SLC7A9: variants seen among roughly 807,000 people sequenced by gnomAD.
SLC7A9 encodes solute carrier family 7 member 9.
Under a neutral mutation model 54.1 loss-of-function variants are expected in SLC7A9, and 38 were observed. The ratio of observed to expected loss-of-function variants is 0.70; its 90% CI spans 0.54 to 0.92. The LOEUF (loss-of-function observed/expected upper bound fraction) is 0.92, where lower values mean the gene tolerates loss of function less well. Among genes scored for constraint, SLC7A9 ranks in the 40% least tolerant of loss-of-function variants. SLC7A9 has a pLI of 0.00. For synonymous variants in SLC7A9, 264 were observed against 258.9 expected, an observed-to-expected ratio of 1.02 and a Z score of -0.19; for missense variants, 537 against 636.1, an observed-to-expected ratio of 0.84 and a Z score of 1.68.
intron 9 of SLC7A9, among the ~76,000 whole-genome samples, chr19:32,845,778 C>T (rs879619115): frequency 3.9e-5 from 6 of 152,078 alleles, no homozygotes; most frequent in Admixed American, 6.6e-5. Context: ...GAGGCCGAGG[C>T]GGGTGGATCA....
intron 12 of SLC7A9, chr19:32,832,798 ACTTGGG>A: frequency 9.9e-6 from 3 of 303,286 alleles, no homozygotes; most frequent in Non-Finnish European, 1.9e-5. Flanking sequence ...GGTCCCAGCT[ACTTGGG>A]AGGCCCAGGT....
At chr19:32,844,805 C>T (rs561508178) in intron 9 of SLC7A9, among the ~76,000 whole-genome samples, 9 of 127,992 alleles carry the variant, frequency 7.0e-5, no homozygotes, top group East Asian at 5.1e-4. Context: ...CAGCTAAGAT[C>T]GCACCATTGC....
chr19:32,856,702 C>A (rs1968638640), intron 9 of SLC7A9, among the ~76,000 whole-genome samples: 1 of 152,064 alleles, frequency 6.6e-6, no homozygotes, highest in African/African-American at 2.4e-5. Context: ...AACTTCTGGG[C>A]TTCTGGAACT....
At position 32,859,984 on chromosome 19, in the gene SLC7A9, G is replaced by A. The variant is rs750198293; in HGVS notation, c.750-20C>T. ...AGGTTTCTGGGAGGGGCAATGACACGGAGACCCACGTTCAGACCACAGCCT... is the reference window on the plus strand; with the variant it reads ...AGGTTTCTGGGAGGGGCAATGACACAGAGACCCACGTTCAGACCACAGCCT... On this transcript the variant is annotated intron_variant, in intron 7 of 12. Coordinates refer to ENST00000023064, the MANE Select transcript of SLC7A9 (RefSeq NM_014270.5). 1.5e-5 allele frequency: 25 copies of A among 1,613,880 alleles called. No homozygotes were observed. The African/African-American group carries it at 1.6e-4, about 10-fold the overall frequency.
intron 9 of SLC7A9, among the ~76,000 whole-genome samples, chr19:32,850,677 A>G (rs940522721): frequency 6.6e-6 from 1 of 152,186 alleles, no homozygotes; most frequent in African/African-American, 2.4e-5. Context: ...GGAAAAAACT[A>G]AAGTTCATAT....
rs1485768183 is a variant in SLC7A9 at position 32,862,396 on chromosome 19, C to T, written c.604+65G>A. ...GAGATGGGCTCGTGGGGCAAGGCTG[C>T]TCCTGCTCCCAGTGGAAGGGCGTTT... On this transcript the variant is annotated intron_variant, in intron 5 of 12. Transcript: ENST00000023064. The T allele has an allele frequency of 1.1e-4, 172 of 1,605,008 alleles. 1 individual carries two copies. In the South Asian group the frequency reaches 1.8e-3, roughly 17 times the overall value.
rs370170089 is a variant in SLC7A9 at position 32,833,318 on chromosome 19, G to A, written c.1230C>T (p.Pro410=). The part of the protein sequence containing the change: ...RKELERPIKV[P]VVIPVLMTLI... ...GTGTCATCAAGACGGGAATGACTAC[G>A]GGCACCTGGAGACGAAAAACAGGTC... The change falls in exon 12 of 13, where the codon CCC becomes CCT. Residue 410 remains proline, a synonymous_variant. Transcript: ENST00000023064. The A allele has an allele frequency of 2.1e-5, 34 of 1,614,016 alleles. No individual in the cohort carries two copies. Among genetic ancestry groups the A allele is most frequent in the African/African-American group, 1.3e-4 (10 of 75,014 alleles).
intron 2 of SLC7A9, among the ~76,000 whole-genome samples, chr19:32,867,319 C>T (rs1968999978): frequency 6.6e-6 from 1 of 151,700 alleles, no homozygotes; most frequent in African/African-American, 2.4e-5. Context: ...CTGGGCAACA[C>T]AGCAAGATAC....
At chr19:32,851,762 G>C (rs1002912561) in intron 9 of SLC7A9, among the ~76,000 whole-genome samples, 39 of 152,110 alleles carry the variant, frequency 2.6e-4, no homozygotes, top group African/African-American at 9.2e-4. Context: ...CAAAGACTTG[G>C]AACCAACCCA....
intron 9 of SLC7A9, among the ~76,000 whole-genome samples, chr19:32,844,857 CAAAAAAAAAA>C (rs386388892): frequency 6.6e-4 from 20 of 30,318 alleles, no homozygotes; most frequent in Admixed American, 4.9e-3. Context: ...GAATCCATCT[CAAAAAAAAAA>C]AAAAAAAAAA....
intron 11 of SLC7A9, among the ~76,000 whole-genome samples, chr19:32,835,373 CAAAT>C (rs764442153): frequency 1.1e-4 from 17 of 151,872 alleles, no homozygotes; most frequent in African/African-American, 1.9e-4. Flanking sequence ...AGCACAAACA[CAAAT>C]AAAAAATAAA....
intron 11 of SLC7A9, among the ~76,000 whole-genome samples, chr19:32,833,855 G>A (rs1010035556): frequency 1.3e-5 from 2 of 152,034 alleles, no homozygotes; most frequent in African/African-American, 2.4e-5. Flanking sequence ...ACTGATGATC[G>A]TTGCCTTCAT....
At chr19:32,848,614 A>G (rs1754535741) in intron 9 of SLC7A9, among the ~76,000 whole-genome samples, 1 of 152,214 alleles carries the variant, frequency 6.6e-6, no homozygotes, top group Admixed American at 6.6e-5. Flanking sequence ...TGTCAACATT[A>G]GACAGATCAA....
At chr19:32,865,745 C>T (rs993875176) in intron 2 of SLC7A9, among the ~76,000 whole-genome samples, 8 of 152,016 alleles carry the variant, frequency 5.3e-5, no homozygotes, top group African/African-American at 9.7e-5. Flanking sequence ...CCGAGGCAGG[C>T]GGATCACCTG....
chr19:32,832,103 C>G (rs1293715789), intron 12 of SLC7A9, among the ~76,000 whole-genome samples: 2 of 146,812 alleles, frequency 1.4e-5, no homozygotes, highest in African/African-American at 5.1e-5. Context: ...TGATGAAACC[C>G]CGACTCTACT....
Position 32,864,136 on chromosome 19 carries a change from A to C in SLC7A9, c.438T>G (p.Pro146=). 6.2e-7 allele frequency: 1 copy of C among 1,614,178 alleles called. No homozygotes were observed. Among genetic ancestry groups the C allele is most frequent in the Non-Finnish European group, 8.5e-7 (1 of 1,180,016 alleles). Residue 146 remains proline (P), a synonymous_variant, in exon 4 of 13, where the codon CCT becomes CCG. Coordinates refer to ENST00000023064, the MANE Select transcript of SLC7A9 (RefSeq NM_014270.5). ...VCAPFYVGCK[P]PQIVVKCLAA... The stretch of plus-strand genomic sequence containing the variant: ...CCAGGCATTTCACAACGATTTGAGG[A>C]GGCTTGCAGCCCACATAGAAGGGCG...
At chr19:32,833,098 G>A (rs181492927) in intron 12 of SLC7A9, 51 bp downstream of exon 12, 141 of 1,567,178 alleles carry the variant, frequency 9.0e-5, no homozygotes, top group Admixed American at 2.8e-4. Flanking sequence ...TGAGGACGCC[G>A]TGCCTGCCTG....
chr19:32,859,826 T>C lies in SLC7A9; in HGVS notation c.873+15A>G, dbSNP rs759454223. On this transcript the variant is annotated intron_variant, in intron 8 of 12. Coordinates refer to ENST00000023064, the MANE Select transcript of SLC7A9 (RefSeq NM_014270.5). ...AAGCCACAGCCCCCGCCAGCAGCGA[T>C]GCCCGGGCACTCACCACAGCCACCG... 3 of 1,606,218 alleles carry C rather than the reference T, an allele frequency of 1.9e-6. No homozygotes were observed. Among genetic ancestry groups the C allele is most frequent in the Non-Finnish European group, 2.6e-6 (3 of 1,172,922 alleles).
rs368907157 is a variant in SLC7A9 at position 32,864,270 on chromosome 19, C to T, written c.304G>A (p.Glu102Lys). ...TAGGCGGGGATGGGCCCGTAGGCCT[C>T]CATCAGGTAGGGATACTCTCCCCCT... ...KSGGEYPYLM[E>K]AYGPIPAYLF... Residue 102 changes from glutamate to lysine, a missense_variant, in exon 4 of 13, where the codon GAG becomes AAG. Transcript: ENST00000023064. The T allele has an allele frequency of 6.2e-7, 1 of 1,614,118 alleles. No homozygotes were observed. Among genetic ancestry groups the T allele is most frequent in the South Asian group, 1.1e-5 (1 of 91,074 alleles).
Sources: allele counts gnomAD v4.1 joint callset (sites outside exome capture counted in the v4.1 genomes callset), GRCh38; gene constraint gnomAD v4.1.1; transcripts MANE v1.5; gene names NCBI Gene and HGNC (gene_info 2026-07-23, HGNC 2026-07-21).